Variants in ZC3H12B observed in about 807,000 individuals in gnomAD.
ZC3H12B encodes the protein zinc finger CCCH-type containing 12B.
A neutral mutation model predicts 43.9 loss-of-function variants in ZC3H12B; 7 were observed. The observed-to-expected ratio is 0.16, with a 90% CI of 0.09 to 0.30. ZC3H12B has a LOEUF of 0.30. Among genes scored for constraint, ZC3H12B ranks in the 10% least tolerant of loss-of-function variants. The probability of loss-of-function intolerance (pLI) is 1.00; values close to 1 mark genes in which losing one functional copy is unlikely to be tolerated. For synonymous variants in ZC3H12B, 222 were observed against 241.7 expected (o/e 0.92, Z 0.76); for missense variants, 475 against 670.2 (o/e 0.71, Z 3.22).
chrX:65,415,745 T>G (rs1413822379), intron 3 of ZC3H12B, among the ~76,000 whole-genome samples: 1 of 112,256 alleles, frequency 8.9e-6, no homozygotes, highest in Non-Finnish European at 1.9e-5. Context: ...ACAAATTTAA[T>G]TAACTTCTCT....
chrX:65,214,165 G>A, the ZC3H12B span, among the ~76,000 whole-genome samples: 2 of 111,273 alleles, frequency 1.8e-5, no homozygotes, highest in African/African-American at 3.3e-5. Context: ...GTTAATGGCT[G>A]CTGACTGATC....
the ZC3H12B span, among the ~76,000 whole-genome samples, chrX:65,315,088 A>T: frequency 9.0e-6 from 1 of 111,395 alleles, no homozygotes; most frequent in African/African-American, 3.2e-5. Flanking sequence ...AGGAACAAAT[A>T]ACACAAGGAG....
the ZC3H12B span, among the ~76,000 whole-genome samples, chrX:65,214,887 T>C: frequency 5.4e-5 from 6 of 111,663 alleles, no homozygotes; most frequent in African/African-American, 1.6e-4. Flanking sequence ...TACTTCTTGA[T>C]TCATGAGTTG....
chrX:65,203,484 G>A, the ZC3H12B span, among the ~76,000 whole-genome samples: 3 of 110,505 alleles, frequency 2.7e-5, no homozygotes, highest in African/African-American at 3.3e-5. Context: ...CTTCAAGGTG[G>A]CACATTCCTT....
chrX:65,226,713 A>G, the ZC3H12B span, among the ~76,000 whole-genome samples: 9 of 111,353 alleles, frequency 8.1e-5, no homozygotes, highest in African/African-American at 2.9e-4. Flanking sequence ...GAAAACAAAA[A>G]AAGGCAGGGG....
At chrX:65,228,567 T>C in the ZC3H12B span, among the ~76,000 whole-genome samples, 1 of 111,047 alleles carries the variant, frequency 9.0e-6, no homozygotes, top group South Asian at 3.8e-4. Flanking sequence ...TAAAGGGTAT[T>C]CAATTAGGAA....
the ZC3H12B span, among the ~76,000 whole-genome samples, chrX:65,152,614 G>C: frequency 1.3e-4 from 14 of 111,491 alleles, no homozygotes; most frequent in African/African-American, 4.6e-4. Context: ...AACATTCCAT[G>C]CTCATGGGTA....
At chrX:65,152,647 T>C in the ZC3H12B span, among the ~76,000 whole-genome samples, 1 of 110,982 alleles carries the variant, frequency 9.0e-6, no homozygotes, top group South Asian at 3.8e-4. Flanking sequence ...ATCGTGAAAA[T>C]GGCCATACCG....
At chrX:65,197,087 A>T in the ZC3H12B span, among the ~76,000 whole-genome samples, 1 of 111,881 alleles carries the variant, frequency 8.9e-6, no homozygotes, top group East Asian at 2.8e-4. Flanking sequence ...CAGGAACTCC[A>T]CCCACAGGGC....
chrX:65,410,966 A>G (rs771703217), intron 3 of ZC3H12B, among the ~76,000 whole-genome samples: 1 of 112,404 alleles, frequency 8.9e-6, no homozygotes, highest in Non-Finnish European at 1.9e-5. Context: ...ATATGTAACT[A>G]AAAGAAAGGA....
the ZC3H12B span, among the ~76,000 whole-genome samples, chrX:65,254,185 G>A: frequency 3.6e-5 from 4 of 112,153 alleles, no homozygotes; most frequent in Admixed American, 1.9e-4. Flanking sequence ...ACAGACACCA[G>A]TGGCCCCATG....
At chrX:65,449,759 G>A (rs1027263812) in intron 3 of ZC3H12B, among the ~76,000 whole-genome samples, 3 of 111,783 alleles carry the variant, frequency 2.7e-5, no homozygotes, top group Non-Finnish European at 3.8e-5. Context: ...GGAATGAAAA[G>A]CCAAATACTG....
At chrX:65,200,380 TTC>T in the ZC3H12B span, among the ~76,000 whole-genome samples, 1 of 109,865 alleles carries the variant, frequency 9.1e-6, no homozygotes, top group Non-Finnish European at 1.9e-5. Flanking sequence ...TGCAAAAATT[TTC>T]TCTTATTCTG....
the ZC3H12B span, among the ~76,000 whole-genome samples, chrX:65,293,362 A>T: frequency 9.0e-6 from 1 of 110,930 alleles, no homozygotes; most frequent in Non-Finnish European, 1.9e-5. Context: ...ACAGCTCTTG[A>T]GCCCCAGATC....
At chrX:65,399,398 G>A (rs2066738394) in intron 3 of ZC3H12B, among the ~76,000 whole-genome samples, 1 of 111,950 alleles carries the variant, frequency 8.9e-6, no homozygotes, top group African/African-American at 3.2e-5. Flanking sequence ...CTCAAAAGAG[G>A]ACATACACAT....
At chrX:65,091,410 TTTG>T in the ZC3H12B span, among the ~76,000 whole-genome samples, 2 of 112,455 alleles carry the variant, frequency 1.8e-5, no homozygotes, top group African/African-American at 3.2e-5. Context: ...AGAATAAGTG[TTTG>T]TTGTTTCATG....
chrX:65,088,309 G>A, the ZC3H12B span, among the ~76,000 whole-genome samples: 12 of 111,186 alleles, frequency 1.1e-4, no homozygotes, highest in Non-Finnish European at 1.7e-4. Flanking sequence ...TGCAAACTAC[G>A]CAGACCTACT....
At chrX:65,376,329 C>T (rs1054404611) in intron 2 of ZC3H12B, among the ~76,000 whole-genome samples, 8 of 111,733 alleles carry the variant, frequency 7.2e-5, no homozygotes, top group African/African-American at 2.0e-4. Context: ...TCTGGACTGC[C>T]CTGGTACTGG....
At chrX:65,308,458 A>G in the ZC3H12B span, among the ~76,000 whole-genome samples, 1 of 111,757 alleles carries the variant, frequency 8.9e-6, no homozygotes, top group African/African-American at 3.3e-5. Flanking sequence ...TATATATGCA[A>G]CCAATTCAGG....
Sources: allele counts gnomAD v4.1 joint callset (sites outside exome capture counted in the v4.1 genomes callset), GRCh38; gene constraint gnomAD v4.1.1; transcripts MANE v1.5; gene names NCBI Gene and HGNC (gene_info 2026-07-23, HGNC 2026-07-21).